The following PDE1C variants were observed in gnomAD, a reference collection of about 807,000 sequenced individuals.
The protein encoded by PDE1C is phosphodiesterase 1C.
PDE1C carries 62 observed loss-of-function variants against 93.1 expected under a neutral mutation model. The observed-to-expected ratio is 0.67, with a 90% CI of 0.54 to 0.82. PDE1C has a LOEUF of 0.82. PDE1C is among the 40% of genes least tolerant of loss of function. The pLI is 0.00. For synonymous variants in PDE1C, 325 were observed against 310.1 expected, an observed-to-expected ratio of 1.05 and a Z score of -0.50; for missense variants, 742 against 884.6, an observed-to-expected ratio of 0.84 and a Z score of 2.04.
At chr7:32,280,168 A>G (rs1476764) in intron 1 of PDE1C, among the ~76,000 whole-genome samples, 86,307 of 152,036 alleles carry the variant, frequency 0.57, 25,933 homozygotes, top group Admixed American at 0.68. Context: ...ACACACAGAG[A>G]TACACACAAG....
At position 31,751,701 on chromosome 7, in the gene PDE1C, C is replaced by T. The variant is rs985780633; in HGVS notation, c.*1683G>A. ...TCCTTAACGAAAAGTCACAATGATT[C>T]GTCTTTTTGTATAGCAATTAAATTT... On this transcript the variant is annotated 3_prime_UTR_variant, in exon 18 of 18. Transcript: ENST00000396191. 2 of 152,152 alleles carry T rather than the reference C, an allele frequency of 1.3e-5. No homozygotes were observed. The highest frequency in any genetic ancestry group is 2.9e-5 in the Non-Finnish European group (2 of 68,034). 9.4% of individuals were successfully genotyped at this position (152,152 alleles called of 1,614,324 possible).
the PDE1C span, among the ~76,000 whole-genome samples, chr7:31,689,188 G>C: frequency 1.3e-5 from 2 of 152,314 alleles, no homozygotes; most frequent in South Asian, 4.1e-4. Flanking sequence ...CCACGTCCCT[G>C]TGTGAGTGTT....
At chr7:31,995,420 A>G (rs965455266) in intron 2 of PDE1C, among the ~76,000 whole-genome samples, 2 of 151,874 alleles carry the variant, frequency 1.3e-5, no homozygotes, top group Non-Finnish European at 2.9e-5. Flanking sequence ...TGCTATGCCC[A>G]GAAGCCCTGT....
At chr7:32,330,338 C>T (rs746846689) in intron 1 of PDE1C, among the ~76,000 whole-genome samples, 2 of 152,198 alleles carry the variant, frequency 1.3e-5, no homozygotes, top group African/African-American at 2.4e-5. Context: ...GTAAGTTTTG[C>T]CTTGGCTGCA....
chr7:32,359,412 T>C (rs1002516067), intron 1 of PDE1C, among the ~76,000 whole-genome samples: 35 of 152,320 alleles, frequency 2.3e-4, no homozygotes, highest in African/African-American at 7.9e-4. Context: ...TATATGTATA[T>C]GTATATGTAT....
intron 17 of PDE1C, among the ~76,000 whole-genome samples, chr7:31,761,404 C>T (rs973491872): frequency 6.6e-6 from 1 of 152,202 alleles, no homozygotes; most frequent in Admixed American, 6.5e-5. Flanking sequence ...AAAAGTAAGT[C>T]ATCCCCTAAC....
intron 3 of PDE1C, among the ~76,000 whole-genome samples, chr7:32,117,726 G>A (rs1470529971): frequency 6.6e-6 from 1 of 152,160 alleles, no homozygotes; most frequent in Non-Finnish European, 1.5e-5. Flanking sequence ...CTTATGGCAG[G>A]TTGCAGTCAA....
At chr7:31,628,724 G>A in the PDE1C span, among the ~76,000 whole-genome samples, 1 of 152,094 alleles carries the variant, frequency 6.6e-6, no homozygotes, top group East Asian at 1.9e-4. Context: ...CGAAAGTGCT[G>A]GGATTACAGG....
At chr7:32,388,683 A>AC (rs1784688385) in intron 1 of PDE1C, among the ~76,000 whole-genome samples, 1 of 149,702 alleles carries the variant, frequency 6.7e-6, no homozygotes, top group South Asian at 2.1e-4. Flanking sequence ...ATTTCTAAAA[A>AC]AAAAAAAAAA....
chr7:31,681,557 A>T, the PDE1C span, among the ~76,000 whole-genome samples: 9 of 152,294 alleles, frequency 5.9e-5, no homozygotes, highest in Non-Finnish European at 5.9e-5. Flanking sequence ...CACTTGGCTC[A>T]TATCTCTGGT....
intron 1 of PDE1C, among the ~76,000 whole-genome samples, chr7:32,412,338 C>A (rs1785186847): frequency 6.6e-6 from 1 of 151,764 alleles, no homozygotes; most frequent in African/African-American, 2.4e-5. Context: ...TGCCTGTAAT[C>A]CCAGTTACTT....
At chr7:32,396,524 G>T (rs1585141503) in intron 1 of PDE1C, among the ~76,000 whole-genome samples, 2 of 56,528 alleles carry the variant, frequency 3.5e-5, no homozygotes, top group African/African-American at 5.5e-5. Flanking sequence ...TTGAAGTATG[G>T]GGGGGGGGAG....
At chr7:31,980,476 G>C (rs902837491) in intron 2 of PDE1C, among the ~76,000 whole-genome samples, 2 of 152,150 alleles carry the variant, frequency 1.3e-5, no homozygotes, top group African/African-American at 2.4e-5. Context: ...TGGGTCACAA[G>C]ATTGCTATTT....
At chr7:32,253,664 C>T (rs550057933) in intron 1 of PDE1C, among the ~76,000 whole-genome samples, 1 of 152,208 alleles carries the variant, frequency 6.6e-6, no homozygotes, top group African/African-American at 2.4e-5. Flanking sequence ...ATGAATATTT[C>T]TGTGGCATAA....
intron 14 of PDE1C, chr7:31,820,799 C>T (rs1186063337): frequency 2.6e-5 from 4 of 152,072 alleles, no homozygotes; most frequent in Admixed American, 1.3e-4. Context: ...TTCACCACCA[C>T]CTTAACTTCG....
chr7:31,894,910 A>G (rs1336897413), intron 2 of PDE1C, among the ~76,000 whole-genome samples: 3 of 151,834 alleles, frequency 2.0e-5, no homozygotes, highest in African/African-American at 7.3e-5. Context: ...CAAAGTCCTG[A>G]GGCAAGAGAT....
intron 1 of PDE1C, among the ~76,000 whole-genome samples, chr7:32,366,868 C>CAAAA (rs141845086): frequency 0.74 from 106,410 of 144,362 alleles, 41,293 homozygotes; most frequent in East Asian, 0.95. Context: ...ACTAAAAATA[C>CAAAA]AAAAAAAAAA....
At chr7:32,012,760 G>A (rs1787321465) in intron 2 of PDE1C, among the ~76,000 whole-genome samples, 1 of 152,134 alleles carries the variant, frequency 6.6e-6, no homozygotes, top group Non-Finnish European at 1.5e-5. Context: ...TATTGTATAT[G>A]TAATCAATAA....
At chr7:31,652,283 C>T in the PDE1C span, among the ~76,000 whole-genome samples, 2 of 152,156 alleles carry the variant, frequency 1.3e-5, no homozygotes, top group Admixed American at 6.5e-5. Flanking sequence ...TTGCCCTGTA[C>T]ATCATAGAGA....
Sources: allele counts gnomAD v4.1 joint callset (sites outside exome capture counted in the v4.1 genomes callset), GRCh38; gene constraint gnomAD v4.1.1; transcripts MANE v1.5; gene names NCBI Gene and HGNC (gene_info 2026-07-23, HGNC 2026-07-21).